The following TRPC4AP variants were observed in gnomAD, a reference collection of about 807,000 sequenced individuals.
TRPC4AP encodes the protein transient receptor potential cation channel subfamily C member 4 associated protein, also known as short transient receptor potential channel 4-associated protein.
Under a neutral mutation model 99.0 loss-of-function variants are expected in TRPC4AP, and 45 were observed. The ratio of observed to expected loss-of-function variants is 0.45; its 90% CI spans 0.36 to 0.58. The LOEUF is 0.58. Among genes scored for constraint, TRPC4AP ranks in the 20% least tolerant of loss-of-function variants. TRPC4AP has a pLI of 0.00. For missense variants in TRPC4AP, 879 were observed against 985.3 expected (o/e 0.89, Z 1.44); for synonymous variants, 408 against 385.8 (o/e 1.06, Z -0.67).
In TRPC4AP at chr20:35,050,172, GAA is replaced by G. The variant is rs1350822462; in HGVS notation, c.529-180_529-179del. On this transcript the variant is annotated intron_variant, in intron 5 of 18. Coordinates refer to ENST00000252015, the MANE Select transcript of TRPC4AP (RefSeq NM_015638.3). ...GCTCGTTAACTCCCCAGCTATGGAA[GAA>G]AAAAGTCTCCTGACGTGCAGGCTAC... 5.3e-5 allele frequency among the ~76,000 whole-genome samples: 8 copies of G among 152,290 alleles called. No individual in the cohort carries two copies. The East Asian group carries it at 1.3e-3, about 26-fold the overall frequency.
chr20:35,090,595 A>T (rs2146057209), intron 1 of TRPC4AP, among the ~76,000 whole-genome samples: 1 of 152,150 alleles, frequency 6.6e-6, no homozygotes, highest in South Asian at 2.1e-4. Flanking sequence ...GCTGGTCTCA[A>T]ACTCCTGACC....
At chr20:35,071,389 G>A (rs1473582571) in intron 2 of TRPC4AP, among the ~76,000 whole-genome samples, 4 of 151,556 alleles carry the variant, frequency 2.6e-5, no homozygotes, top group Non-Finnish European at 5.9e-5. Context: ...CCATTAACTC[G>A]TCATTTATAT....
chr20:35,089,930 G>C (rs918090057), intron 1 of TRPC4AP, among the ~76,000 whole-genome samples: 4 of 151,592 alleles, frequency 2.6e-5, no homozygotes, highest in Admixed American at 2.6e-4. Context: ...GGGTAATCTG[G>C]GCAACAGAGC....
At chr20:35,054,105 C>T (rs898031866) in intron 5 of TRPC4AP, among the ~76,000 whole-genome samples, 1 of 151,968 alleles carries the variant, frequency 6.6e-6, no homozygotes, top group East Asian at 1.9e-4. Flanking sequence ...CTTCTAAGTT[C>T]GTGATCTTGG....
rs571154939 is a variant in TRPC4AP, at chr20:35,061,716, G to A, written c.415-4145C>T. 2.0e-5 allele frequency among the ~76,000 whole-genome samples: 3 copies of A among 152,186 alleles called. No homozygotes were observed. In the East Asian group the frequency reaches 5.8e-4, roughly 29 times the overall value. On this transcript the variant is annotated intron_variant, in intron 3 of 18. Coordinates refer to ENST00000252015, the MANE Select transcript of TRPC4AP (RefSeq NM_015638.3). ...CATGATAAACAAAGTCAATGCAAAT[G>A]GATCAAAGATCTAAATGTAAGATAC...
At chr20:35,020,123 A>G (rs929764581) in intron 9 of TRPC4AP, among the ~76,000 whole-genome samples, 1 of 152,138 alleles carries the variant, frequency 6.6e-6, no homozygotes, top group Non-Finnish European at 1.5e-5. Context: ...CCTATCTTTC[A>G]AAACATATCC....
At chr20:35,052,440 A>G (rs2083728274) in intron 5 of TRPC4AP, among the ~76,000 whole-genome samples, 1 of 152,060 alleles carries the variant, frequency 6.6e-6, no homozygotes, top group African/African-American at 2.4e-5. Context: ...CTAAATGAGG[A>G]GCTACAAACT....
At chr20:35,022,002 G>A (rs546586985) in intron 8 of TRPC4AP, among the ~76,000 whole-genome samples, 318 of 152,292 alleles carry the variant, frequency 2.1e-3, no homozygotes, top group Non-Finnish European at 3.8e-3. Context: ...CACTTGATAT[G>A]TGTCAGACTT....
At chr20:35,071,034 T>C (rs766576217) in intron 2 of TRPC4AP, among the ~76,000 whole-genome samples, 2 of 151,908 alleles carry the variant, frequency 1.3e-5, no homozygotes, top group African/African-American at 2.4e-5. Flanking sequence ...AAGCAAATAA[T>C]GTGCAACTCT....
At chr20:35,069,596 G>A (rs79933608) in intron 2 of TRPC4AP, among the ~76,000 whole-genome samples, 184 bp from the exon 3 acceptor site, 6,708 of 152,162 alleles carry the variant, frequency 0.044, 488 homozygotes, top group African/African-American at 0.15. Context: ...ATCTGGGCTG[G>A]TATGACACAC....
At chr20:35,029,996 C>G (rs1454379697) in intron 8 of TRPC4AP, among the ~76,000 whole-genome samples, 3 of 146,564 alleles carry the variant, frequency 2.0e-5, no homozygotes, top group Non-Finnish European at 4.5e-5. Flanking sequence ...AATCCCAGCA[C>G]TTTGGGAGGC....
At chr20:35,079,470 C>T (rs756468054) in intron 1 of TRPC4AP, among the ~76,000 whole-genome samples, 1 of 151,980 alleles carries the variant, frequency 6.6e-6, no homozygotes, top group Non-Finnish European at 1.5e-5. Flanking sequence ...TAAGCTTCTA[C>T]CTTAGTAAAC....
intron 7 of TRPC4AP, among the ~76,000 whole-genome samples, chr20:35,037,129 A>G (rs373737607): frequency 4.6e-5 from 7 of 152,118 alleles, no homozygotes; most frequent in East Asian, 3.9e-4. Context: ...GGTGGATCAC[A>G]AGGTCAGGAG....
intron 3 of TRPC4AP, among the ~76,000 whole-genome samples, chr20:35,067,458 T>C (rs1278251660): frequency 6.6e-6 from 1 of 152,162 alleles, no homozygotes; most frequent in African/African-American, 2.4e-5. Flanking sequence ...ATTCTGGCAG[T>C]TCCTCAAACA....
intron 1 of TRPC4AP, among the ~76,000 whole-genome samples, chr20:35,092,026 C>T (rs1429011734): frequency 6.6e-6 from 1 of 152,180 alleles, no homozygotes; most frequent in African/African-American, 2.4e-5. Context: ...CGCTGGAACT[C>T]AGCCTAATGT....
chr20:35,003,310 G>A (rs759875405), intron 18 of TRPC4AP, 27 bp from the exon 19 acceptor site: 1 of 1,613,880 alleles, frequency 6.2e-7, no homozygotes, highest in Non-Finnish European at 8.5e-7. Context: ...GGGCTGGGGG[G>A]CGCCTGGAGG....
rs750371131 is a variant in TRPC4AP at position 35,003,416 on chromosome 20, T to C, written c.2250A>G (p.Leu750=). ...TTGAGGGTGGGGCACTCACGTTCTC[T>C]AGGCAGGTGCTGTCCTTGTCCTTGT... The part of the protein sequence containing the change: ...YLHKDKDSTC[L]ENSSCISFSY... The change falls in exon 18 of 19, where the codon CTA becomes CTG. Residue 750 remains leucine, a synonymous_variant. Coordinates refer to ENST00000252015, the MANE Select transcript of TRPC4AP (RefSeq NM_015638.3). The C allele has an allele frequency of 1.9e-6, 3 of 1,614,072 alleles. No homozygotes were observed. Among genetic ancestry groups the C allele is most frequent in the Non-Finnish European group, 8.5e-7 (1 of 1,179,998 alleles).
chr20:35,032,086 C>T lies in TRPC4AP; in HGVS notation c.1051+3037G>A, dbSNP rs528612574. Among the ~76,000 whole-genome samples, 4 of 151,408 alleles carry T rather than the reference C, an allele frequency of 2.6e-5. No homozygotes were observed. In the South Asian group the frequency reaches 6.3e-4, roughly 24 times the overall value. On this transcript the variant is annotated intron_variant, in intron 8 of 18. Coordinates refer to ENST00000252015, the MANE Select transcript of TRPC4AP (RefSeq NM_015638.3). ...TGTATTTTTAATAGAGATGGGGTTT[C>T]GCCATGTTGGCCTGGCTGATGTCAA...
intron 5 of TRPC4AP, 126 bp downstream of exon 5, chr20:35,054,850 T>C (rs1215301312): frequency 1.5e-5 from 12 of 793,910 alleles, no homozygotes; most frequent in Non-Finnish European, 2.4e-5. Flanking sequence ...ACACATAAAA[T>C]AAGCCCGATT....
Sources: allele counts gnomAD v4.1 joint callset (sites outside exome capture counted in the v4.1 genomes callset), GRCh38; gene constraint gnomAD v4.1.1; transcripts MANE v1.5; gene names NCBI Gene and HGNC (gene_info 2026-07-23, HGNC 2026-07-21).